The following CTNNA2 variants were observed in gnomAD, a reference collection of about 807,000 sequenced individuals.
CTNNA2 encodes catenin alpha-2.
A neutral mutation model predicts 101.0 loss-of-function variants in CTNNA2; 42 were observed. The observed-to-expected ratio is 0.42, with a 90% CI of 0.32 to 0.54. The LOEUF is 0.54. Ranked by LOEUF, CTNNA2 falls within the 20% of genes least tolerant of loss-of-function variation. The pLI, the probability that CTNNA2 is intolerant of heterozygous loss-of-function variation, is 0.14. For missense variants in CTNNA2, 871 were observed against 1,223.1 expected, an observed-to-expected ratio of 0.71 and a Z score of 4.29; for synonymous variants, 450 against 456.4, an observed-to-expected ratio of 0.99 and a Z score of 0.18.
intron 1 of CTNNA2, among the ~76,000 whole-genome samples, chr2:79,637,375 T>C (rs1345265971): frequency 2.0e-5 from 3 of 151,980 alleles, no homozygotes; most frequent in Non-Finnish European, 4.4e-5. Context: ...AATAAGGCAA[T>C]TGGGAAGGAG....
At chr2:79,622,340 TC>T (rs1679046692) in intron 1 of CTNNA2, among the ~76,000 whole-genome samples, 1 of 152,172 alleles carries the variant, frequency 6.6e-6, no homozygotes, top group African/African-American at 2.4e-5. Flanking sequence ...AAATTTTCAA[TC>T]CTTTTAAGCT....
chr2:80,511,849 T>A (rs1688725230), intron 9 of CTNNA2, among the ~76,000 whole-genome samples: 1 of 152,042 alleles, frequency 6.6e-6, no homozygotes, highest in South Asian at 2.1e-4. Context: ...CAAAATCACT[T>A]CGTTAAAAGT....
chr2:79,794,060 A>T (rs1176371561), intron 3 of CTNNA2, among the ~76,000 whole-genome samples: 2 of 152,102 alleles, frequency 1.3e-5, no homozygotes, highest in African/African-American at 4.8e-5. Flanking sequence ...GGGTGCACCA[A>T]AGTCTCACAA....
chr2:80,081,730 A>G (rs904676648), intron 7 of CTNNA2, among the ~76,000 whole-genome samples: 4 of 150,668 alleles, frequency 2.7e-5, no homozygotes, highest in Non-Finnish European at 5.9e-5. Flanking sequence ...CCGCTAAGAC[A>G]ATCTCTCTCT....
intron 3 of CTNNA2, among the ~76,000 whole-genome samples, chr2:79,804,823 G>C (rs545616394): frequency 6.6e-6 from 1 of 152,302 alleles, no homozygotes; most frequent in East Asian, 1.9e-4. Flanking sequence ...ATGGCATAGA[G>C]AGAACCAGTT....
At chr2:80,332,625 T>C (rs1279341929) in intron 7 of CTNNA2, among the ~76,000 whole-genome samples, 5 of 152,104 alleles carry the variant, frequency 3.3e-5, no homozygotes, top group East Asian at 3.8e-4. Flanking sequence ...CAGAAGAAGG[T>C]TGACGAAAGA....
upstream of CTNNA2, among the ~76,000 whole-genome samples, chr2:79,512,788 C>T (rs1671589343): frequency 6.6e-6 from 1 of 151,482 alleles, no homozygotes; most frequent in South Asian, 2.1e-4. Context: ...CCCGCCCTTT[C>T]GGGCGCTCCC....
chr2:79,281,571 A>G (rs1255973133), intron 2 of CTNNA2: 1 of 152,214 alleles, frequency 6.6e-6, no homozygotes, highest in Non-Finnish European at 1.5e-5. Flanking sequence ...TGATTATTGC[A>G]TAAGCAGTCC....
chr2:80,063,098 A>G (rs1697721931), intron 7 of CTNNA2, among the ~76,000 whole-genome samples: 1 of 151,976 alleles, frequency 6.6e-6, no homozygotes, highest in African/African-American at 2.4e-5. Context: ...TTGCCTTTGT[A>G]TTTTTTTCTT....
chr2:80,374,682 C>CGTGTGTGTGTGT (rs57179557), intron 7 of CTNNA2, among the ~76,000 whole-genome samples: 17 of 134,018 alleles, frequency 1.3e-4, no homozygotes, highest in East Asian at 4.5e-4. Flanking sequence ...TGCGTGCGTG[C>CGTGTGTGTGTGT]GTGTGTGTGT....
intron 7 of CTNNA2, among the ~76,000 whole-genome samples, chr2:80,279,872 T>C (rs1558965037): frequency 6.6e-6 from 1 of 152,096 alleles, no homozygotes; most frequent in Non-Finnish European, 1.5e-5. Flanking sequence ...TAAAAAAATT[T>C]ATATCTCTTC....
At chr2:79,443,929 T>TCTCTCTCA (rs1678803550) in intron 4 of CTNNA2, among the ~76,000 whole-genome samples, 1 of 150,670 alleles carries the variant, frequency 6.6e-6, no homozygotes, top group African/African-American at 2.5e-5. Context: ...TCTCTCTCTC[T>TCTCTCTCA]CTCTCTCTCT....
intron 2 of CTNNA2, among the ~76,000 whole-genome samples, chr2:79,225,377 G>A (rs761397029): frequency 1.3e-5 from 2 of 152,058 alleles, no homozygotes; most frequent in African/African-American, 4.8e-5. Context: ...TTGTCAGCTT[G>A]TCTTTGAATT....
At chr2:80,232,602 T>G (rs1709320641) in intron 7 of CTNNA2, among the ~76,000 whole-genome samples, 1 of 152,022 alleles carries the variant, frequency 6.6e-6, no homozygotes, top group Admixed American at 6.6e-5. Flanking sequence ...GATTGCAAGC[T>G]TGGAGTGGCC....
chr2:79,626,650 TG>T (rs1679329119), intron 1 of CTNNA2, among the ~76,000 whole-genome samples: 3 of 148,786 alleles, frequency 2.0e-5, no homozygotes, highest in Non-Finnish European at 4.5e-5. Context: ...TGTGTGTGTG[TG>T]TGTGTCGAGT....
chr2:80,578,343 A>C (rs775055929), intron 13 of CTNNA2, among the ~76,000 whole-genome samples: 17 of 152,234 alleles, frequency 1.1e-4, no homozygotes, highest in Non-Finnish European at 2.4e-4. Flanking sequence ...TCTATCCTCC[A>C]GTACAGCGAA....
At chr2:79,284,719 C>A (rs892033559) in intron 2 of CTNNA2, among the ~76,000 whole-genome samples, 1 of 150,652 alleles carries the variant, frequency 6.6e-6, no homozygotes, top group Non-Finnish European at 1.5e-5. Flanking sequence ...GTCTAAAATT[C>A]TCTTTTTTGG....
At chr2:80,215,452 C>T (rs183563654) in intron 7 of CTNNA2, among the ~76,000 whole-genome samples, 2,774 of 152,210 alleles carry the variant, frequency 0.018, 88 homozygotes, top group African/African-American at 0.064. Flanking sequence ...TGTGGATGTC[C>T]TTTCTGTTTG....
chr2:80,302,793 C>G lies in CTNNA2; in HGVS notation c.1057-90418C>G, dbSNP rs773863794. 1 of 1,613,446 alleles carries G rather than the reference C, an allele frequency of 6.2e-7. No homozygotes were observed. Among genetic ancestry groups the G allele is most frequent in the Admixed American group, 1.7e-5 (1 of 60,002 alleles). ...TCGCCCTGTGCGTACTCCGGGCTGG[C>G]GCACTGCAAGTTGCCATCGTAGCGC... On this transcript the variant is annotated intron_variant, in intron 7 of 18. Coordinates refer to ENST00000402739, the MANE Select transcript of CTNNA2 (RefSeq NM_001282597.3). The surrounding 1 kb of genome is among the most constrained non-coding windows in gnomAD (Gnocchi z 6.4).
Sources: gnomAD v4.1 joint callset for allele counts (sites outside exome capture counted in the v4.1 genomes callset) on GRCh38, gnomAD v4.1.1 for gene constraint, Gnocchi (gnomAD v3.1) non-coding constraint, MANE v1.5 for transcripts, NCBI Gene and HGNC (gene_info 2026-07-23, HGNC 2026-07-21) for gene names.